ATP6V0C: variants seen among roughly 807,000 people sequenced by gnomAD.
ATP6V0C encodes the protein V-type proton ATPase 16 kDa proteolipid subunit c.
ATP6V0C carries 2 observed loss-of-function variants against 10.6 expected under a neutral mutation model. The ratio of observed to expected loss-of-function variants is 0.19; its 90% CI spans 0.08 to 0.59. The LOEUF is 0.59. ATP6V0C is among the 20% of genes least tolerant of loss of function. ATP6V0C has a pLI of 0.90. For missense variants in ATP6V0C, 89 were observed against 225.9 expected, an observed-to-expected ratio of 0.39 and a Z score of 3.88; for synonymous variants, 128 against 101.3, an observed-to-expected ratio of 1.26 and a Z score of -1.59.
At chr16:2,514,351 G>A (rs2065866115) in intron 1 of ATP6V0C, 169 bp downstream of exon 1, 2 of 600,072 alleles carry the variant, frequency 3.3e-6, no homozygotes, top group Non-Finnish European at 2.5e-6. Context: ...GGGCTGCGGG[G>A]AGCCGCCGGG....
rs777289890 is a variant in ATP6V0C, at chr16:2,519,749, C to T, written c.*4C>T. 1.0e-5 allele frequency: 16 copies of T among 1,590,180 alleles called. No individual in the cohort carries two copies. Among genetic ancestry groups the T allele is most frequent in the South Asian group, 8.9e-5 (8 of 89,868 alleles). The stretch of plus-strand genomic sequence containing the variant: ...CCTCATCCTCTCCACAAAGTAGACC[C>T]TCTCCGAGCCCACCAGCCACAGAAT... On this transcript the variant is annotated 3_prime_UTR_variant, in exon 3 of 3. Coordinates refer to ENST00000330398, the MANE Select transcript of ATP6V0C (RefSeq NM_001694.4).
chr16:2,518,606 G>A (rs757091374), intron 1 of ATP6V0C, among the ~76,000 whole-genome samples: 1 of 152,226 alleles, frequency 6.6e-6, no homozygotes, highest in Non-Finnish European at 1.5e-5. Flanking sequence ...GTGGCTGAGG[G>A]TGCTGAGAGC....
chr16:2,514,684 G>A (rs989671352), intron 1 of ATP6V0C, among the ~76,000 whole-genome samples: 1 of 152,202 alleles, frequency 6.6e-6, no homozygotes, highest in Admixed American at 6.5e-5. Flanking sequence ...GAGGTCCTCA[G>A]CCCTCGCCCT....
intron 1 of ATP6V0C, 29 bp downstream of exon 1, chr16:2,514,211 G>C (rs1465121166): frequency 6.6e-7 from 1 of 1,526,266 alleles, no homozygotes; most frequent in Non-Finnish European, 8.8e-7. Flanking sequence ...GGGACTCGGG[G>C]GCGGGGGCGC....
Position 2,514,020 on chromosome 16 carries a change from C to CA in ATP6V0C, c.-81dup. On this transcript the variant is annotated 5_prime_UTR_variant, in exon 1 of 3. Coordinates refer to ENST00000330398, the MANE Select transcript of ATP6V0C (RefSeq NM_001694.4). ...GATCGCCTTCGCCGCCGCCCGCCCG[C>CA]AAACCTTCGTGCCCGGCCCGTCCTC... 1 of 1,331,068 alleles carries CA rather than the reference C, an allele frequency of 7.5e-7. No individual in the cohort carries two copies. Among genetic ancestry groups the CA allele is most frequent in the South Asian group, 1.3e-5 (1 of 74,960 alleles). 82.5% of individuals were successfully genotyped at this position (1,331,068 alleles called of 1,614,324 possible). A position where few individuals can be genotyped will look rare whatever the true frequency, so the allele number is the denominator to read the frequency against.
intron 1 of ATP6V0C, among the ~76,000 whole-genome samples, chr16:2,515,187 C>CT (rs982422550): frequency 5.3e-5 from 8 of 152,108 alleles, no homozygotes; most frequent in Non-Finnish European, 1.2e-4. Flanking sequence ...GACAATTGGT[C>CT]TCCCTGGGAG....
rs750107413 is a variant in ATP6V0C, at chr16:2,519,514, A to C, written c.264-27A>C. On this transcript the variant is annotated intron_variant, in intron 2 of 2. Transcript: ENST00000330398. ...TCTCCCCCTGGTTGGCAGGCTGCTGATGTCAGTCCTCTCTTCTCGCCCCCA... is the reference window on the plus strand; with the variant it reads ...TCTCCCCCTGGTTGGCAGGCTGCTGCTGTCAGTCCTCTCTTCTCGCCCCCA... 18 of 1,542,058 alleles carry C rather than the reference A, an allele frequency of 1.2e-5. No individual in the cohort carries two copies. The Admixed American group carries it at 2.5e-4, about 21-fold the overall frequency.
At chr16:2,514,205 C>T (rs1249483573) in intron 1 of ATP6V0C, 23 bp downstream of exon 1, 34 of 1,531,964 alleles carry the variant, frequency 2.2e-5, no homozygotes, top group Non-Finnish European at 2.0e-5. Flanking sequence ...GCGGGAGGGA[C>T]TCGGGGGCGG....
chr16:2,515,512 G>A (rs1432244683), intron 1 of ATP6V0C, among the ~76,000 whole-genome samples: 2 of 152,284 alleles, frequency 1.3e-5, no homozygotes, highest in South Asian at 2.1e-4. Flanking sequence ...TCGTGAGTGA[G>A]CCCTGGCCTT....
chr16:2,513,924 C>A, upstream of ATP6V0C: 1 of 558,284 alleles, frequency 1.8e-6, no homozygotes, highest in Non-Finnish European at 3.1e-6. Flanking sequence ...GGGCCCAGGT[C>A]ATGTGACGCG....
chr16:2,514,371 C>A, intron 1 of ATP6V0C, 189 bp downstream of exon 1: 1 of 442,986 alleles, frequency 2.3e-6, no homozygotes, highest in Non-Finnish European at 3.6e-6. Context: ...GGGTCCGGGG[C>A]GCAGGGCGTG....
chr16:2,519,135 A>C, intron 1 of ATP6V0C, 83 bp from the exon 2 acceptor site: 1 of 1,425,630 alleles, frequency 7.0e-7, no homozygotes, highest in Non-Finnish European at 9.3e-7. Flanking sequence ...TGGCCCTTGG[A>C]GCTGTGCCAA....
Position 2,519,200 on chromosome 16 carries a change from C to A in ATP6V0C, c.80-18C>A, listed in dbSNP as rs142995519. 92 of 1,599,876 alleles carry A rather than the reference C, an allele frequency of 5.8e-5. No homozygotes were observed. In the African/African-American group the frequency reaches 1.1e-3, roughly 19 times the overall value. The stretch of plus-strand genomic sequence containing the variant: ...GGCCTGCGTACTGCTGTGGGCTCAC[C>A]CCGCCTTCCTCCCACAGCCCTGGGC... On this transcript the variant is annotated intron_variant, in intron 1 of 2. Coordinates refer to ENST00000330398, the MANE Select transcript of ATP6V0C (RefSeq NM_001694.4).
rs1191513830 is a variant in ATP6V0C, at chr16:2,519,814, G to C, written c.*69G>C. ...ACCCCTCCTCATTCCAGAACGAACA[G>C]CCTGACACATACGCACGGGGCCGCC... is the stretch of plus-strand genomic sequence containing the variant. On this transcript the variant is annotated 3_prime_UTR_variant, in exon 3 of 3. Transcript: ENST00000330398. 9 of 1,572,300 alleles carry C rather than the reference G, an allele frequency of 5.7e-6. No individual in the cohort carries two copies. Among genetic ancestry groups the C allele is most frequent in the Non-Finnish European group, 7.8e-6 (9 of 1,147,312 alleles).
intron 1 of ATP6V0C, chr16:2,517,940 A>T (rs1243695748): frequency 6.6e-6 from 1 of 151,954 alleles, no homozygotes; most frequent in Non-Finnish European, 1.5e-5. Context: ...TAATTTTTGT[A>T]TTTTTAGTAG....
chr16:2,514,207 C>A, intron 1 of ATP6V0C, 25 bp downstream of exon 1: 1 of 1,525,158 alleles, frequency 6.6e-7, no homozygotes, highest in Non-Finnish European at 8.8e-7. Flanking sequence ...GGGAGGGACT[C>A]GGGGGCGGGG....
At chr16:2,519,046 C>G (rs974036553) in intron 1 of ATP6V0C, 172 bp from the exon 2 acceptor site, 3 of 690,290 alleles carry the variant, frequency 4.3e-6, no homozygotes, top group Admixed American at 6.6e-5. Context: ...TTTGCTTGCC[C>G]GTGGCTGTTC....
At chr16:2,516,248 G>A (rs1181061080) in intron 1 of ATP6V0C, among the ~76,000 whole-genome samples, 1 of 151,846 alleles carries the variant, frequency 6.6e-6, no homozygotes, top group African/African-American at 2.4e-5. Context: ...GAATAACTAG[G>A]ACTACAGGCA....
chr16:2,515,951 C>G (rs371781795), intron 1 of ATP6V0C, among the ~76,000 whole-genome samples: 11 of 152,160 alleles, frequency 7.2e-5, no homozygotes, highest in African/African-American at 2.7e-4. Flanking sequence ...TTTGGGCAGC[C>G]TGACCAGCAG....
Sources: allele counts gnomAD v4.1 joint callset (sites outside exome capture counted in the v4.1 genomes callset), GRCh38; gene constraint gnomAD v4.1.1; transcripts MANE v1.5; gene names NCBI Gene and HGNC (gene_info 2026-07-23, HGNC 2026-07-21).